Variants in DHX8 observed in about 807,000 individuals in gnomAD.
DHX8 encodes the protein ATP-dependent RNA helicase DHX8.
DHX8 carries 67 observed loss-of-function variants against 140.7 expected under a neutral mutation model. That is an observed-to-expected ratio of 0.48 (90% CI 0.39 to 0.58). The LOEUF (loss-of-function observed/expected upper bound fraction) is 0.58. Ranked by LOEUF, DHX8 falls within the 20% of genes least tolerant of loss-of-function variation. The pLI is 0.00. For missense variants in DHX8, 887 were observed against 1,550.7 expected, an observed-to-expected ratio of 0.57 and a Z score of 7.19; for synonymous variants, 533 against 553.2, an observed-to-expected ratio of 0.96 and a Z score of 0.51.
chr17:43,507,862 T>C lies in DHX8; in HGVS notation c.2163T>C (p.Asp721=), dbSNP rs1476703674. Residue 721 remains aspartate, a synonymous_variant, in exon 15 of 23, where the codon GAT becomes GAC. Coordinates refer to ENST00000262415, the MANE Select transcript of DHX8 (RefSeq NM_004941.3). The part of the protein sequence containing the change: ...MKLIVTSATL[D]AVKFSQYFYE... ...TGATTGTCACCTCAGCCACCTTGGA[T>C]GCAGTGAAGTTTTCTCAATACTTCT... is the stretch of plus-strand genomic sequence containing the variant. The C allele has an allele frequency of 6.2e-7, 1 of 1,614,180 alleles. No individual in the cohort carries two copies. The highest frequency in any genetic ancestry group is 8.5e-7 in the Non-Finnish European group (1 of 1,180,048).
At chr17:43,536,536 G>T in intron 3 of DHX8, 2 of 1,522,822 alleles carry the variant, frequency 1.3e-6, no homozygotes, top group Non-Finnish European at 1.8e-6. Context: ...CCCCTGGGAG[G>T]CTCCATTATT....
At chr17:43,493,319 C>G in intron 6 of DHX8, 126 bp from the exon 7 acceptor site, 4 of 1,331,766 alleles carry the variant, frequency 3.0e-6, no homozygotes, top group Non-Finnish European at 4.1e-6. Flanking sequence ...TATTGTTTGA[C>G]CACCTTCATG....
chr17:43,503,343 GA>G (rs1391468441), intron 11 of DHX8, among the ~76,000 whole-genome samples: 30 of 152,034 alleles, frequency 2.0e-4, no homozygotes, highest in Non-Finnish European at 1.9e-4. Flanking sequence ...GCTAAAAACA[GA>G]AAAATTAACA....
chr17:43,509,780 C>T (rs1054730293), intron 16 of DHX8, among the ~76,000 whole-genome samples: 12 of 151,736 alleles, frequency 7.9e-5, no homozygotes, highest in African/African-American at 9.7e-5. Flanking sequence ...GCGATTCCCC[C>T]GCCTCAGCCT....
downstream of DHX8, chr17:43,525,774 G>C: frequency 1.0e-6 from 1 of 985,716 alleles, no homozygotes; most frequent in Non-Finnish European, 1.2e-6. Context: ...CTGGCTCCCA[G>C]TCCTAATTCC....
chr17:43,515,693 A>G (rs929511160), intron 17 of DHX8, among the ~76,000 whole-genome samples: 3 of 152,192 alleles, frequency 2.0e-5, no homozygotes, highest in Non-Finnish European at 4.4e-5. Flanking sequence ...TGTATGCTCT[A>G]TACTACTTGT....
At chr17:43,515,340 C>T (rs1474046969) in intron 17 of DHX8, among the ~76,000 whole-genome samples, 1 of 152,138 alleles carries the variant, frequency 6.6e-6, no homozygotes, top group African/African-American at 2.4e-5. Flanking sequence ...AGGCGCATGC[C>T]GCCATGACCA....
Position 43,517,248 on chromosome 17 carries a change from C to G in DHX8, c.2725C>G (p.Arg909Gly). 1.9e-6 allele frequency: 3 copies of G among 1,614,146 alleles called. No individual in the cohort carries two copies. Among genetic ancestry groups the G allele is most frequent in the Non-Finnish European group, 1.7e-6 (2 of 1,180,024 alleles). Residue 909 changes from arginine to glycine, a missense_variant, in exon 18 of 23, where the codon CGA becomes GGA. Transcript: ENST00000262415. ...CAGGTTGTACACAGAACGTGCCTAC[C>G]GAGATGAAATGCTGACCACCAACGT... The part of the protein sequence containing the change: ...CYRLYTERAY[R>G]DEMLTTNVPE...
At chr17:43,544,373 C>T (rs1030325807) in exon 4 of DHX8, 1 of 152,870 alleles carries the variant, frequency 6.5e-6, no homozygotes, top group African/African-American at 2.4e-5. Context: ...GGGAGGAACA[C>T]TTGCTATTAG....
At chr17:43,526,490 C>T (rs1050557048), downstream of DHX8, 2 of 1,535,632 alleles carry the variant, frequency 1.3e-6, no homozygotes, top group Non-Finnish European at 1.7e-6. Context: ...ACTGTCTCTC[C>T]TGCAGCCCAA....
chr17:43,489,306 G>C, intron 1 of DHX8, 143 bp from the exon 2 acceptor site: 1 of 607,268 alleles, frequency 1.6e-6, no homozygotes, highest in Non-Finnish European at 2.8e-6. Context: ...CACCTGGCCA[G>C]ATTTTCTCTC....
chr17:43,530,500 G>A (rs1193422386), downstream of DHX8: 1 of 1,198,754 alleles, frequency 8.3e-7, no homozygotes, highest in Non-Finnish European at 1.1e-6. Context: ...GAGGAGGGAG[G>A]GTGAGATGAA....
At chr17:43,491,273 G>T in intron 4 of DHX8, 23 bp downstream of exon 4, 1 of 1,306,312 alleles carries the variant, frequency 7.7e-7, no homozygotes, top group East Asian at 2.5e-5. Context: ...TTTTAAGAGT[G>T]TCTACTATAA....
chr17:43,544,057 T>G (rs1971667390), intron 3 of DHX8: 1 of 152,182 alleles, frequency 6.6e-6, no homozygotes, highest in African/African-American at 2.4e-5. Flanking sequence ...TCCTAGTGTT[T>G]TGGCTTCTTC....
intron 14 of DHX8, 55 bp downstream of exon 14, chr17:43,507,743 G>C: frequency 6.2e-7 from 1 of 1,612,072 alleles, no homozygotes; most frequent in Non-Finnish European, 8.5e-7. Flanking sequence ...AATTCTGGCA[G>C]TTGGATTTGA....
chr17:43,489,013 G>GT (rs1204819881), intron 1 of DHX8, among the ~76,000 whole-genome samples: 41 of 149,510 alleles, frequency 2.7e-4, no homozygotes, highest in Non-Finnish European at 2.5e-4. Flanking sequence ...TGTTTTTTTT[G>GT]TTTTTTTTTG....
At chr17:43,504,937 C>T (rs141983553) in intron 12 of DHX8, 112 bp downstream of exon 12, 2 of 1,001,192 alleles carry the variant, frequency 2.0e-6, no homozygotes, top group African/African-American at 1.6e-5. Flanking sequence ...TGAAGTGGCT[C>T]ATCCAAAAGA....
chr17:43,489,627 G>A, intron 2 of DHX8, 93 bp downstream of exon 2: 1 of 966,924 alleles, frequency 1.0e-6, no homozygotes, highest in South Asian at 1.5e-5. Context: ...GTTTTGCTCT[G>A]TCGCCTGGGC....
chr17:43,519,037 G>T (rs1970249554), intron 18 of DHX8: 1 of 152,050 alleles, frequency 6.6e-6, no homozygotes, highest in African/African-American at 2.4e-5. Context: ...CTACCTTTTG[G>T]CTATTATCAA....
Sources: allele counts gnomAD v4.1 joint callset (sites outside exome capture counted in the v4.1 genomes callset), GRCh38; gene constraint gnomAD v4.1.1; transcripts MANE v1.5; gene names NCBI Gene and HGNC (gene_info 2026-07-23, HGNC 2026-07-21).